The following PCDH15 variants were observed in gnomAD, a reference collection of about 807,000 sequenced individuals.
The protein encoded by PCDH15 is protocadherin-15.
In PCDH15, 129 loss-of-function variants were observed where a neutral mutation model predicts 178.5. The ratio of observed to expected loss-of-function variants is 0.72; its 90% CI spans 0.63 to 0.84. The LOEUF is 0.84. Ranked by LOEUF, PCDH15 falls within the 40% of genes least tolerant of loss-of-function variation. The probability of loss-of-function intolerance (pLI) is 0.00; values close to 1 mark genes in which losing one functional copy is unlikely to be tolerated. For missense variants in PCDH15, 2,230 were observed against 2,099.9 expected (o/e 1.06, Z -1.21); for synonymous variants, 800 against 732.0 (o/e 1.09, Z -1.50).
At chr10:54,673,284 T>C (rs913210437) in intron 1 of PCDH15, among the ~76,000 whole-genome samples, 16 of 152,116 alleles carry the variant, frequency 1.1e-4, no homozygotes, top group African/African-American at 3.9e-4. Context: ...CCATGTGTTT[T>C]CATTGTTCAG....
chr10:55,005,979 G>A (rs945963509), intron 2 of PCDH15, among the ~76,000 whole-genome samples: 27 of 151,404 alleles, frequency 1.8e-4, no homozygotes, highest in African/African-American at 6.3e-4. Context: ...AAATATTTAT[G>A]TATATTTATA....
intron 1 of PCDH15, among the ~76,000 whole-genome samples, chr10:55,271,000 T>G (rs1842430451): frequency 6.6e-6 from 1 of 152,074 alleles, no homozygotes; most frequent in African/African-American, 2.4e-5. Context: ...TATGGATGGC[T>G]CTGGAGGCCA....
At chr10:55,178,040 G>T (rs912350771) in intron 1 of PCDH15, among the ~76,000 whole-genome samples, 2 of 152,138 alleles carry the variant, frequency 1.3e-5, no homozygotes, top group African/African-American at 4.8e-5. Flanking sequence ...CAATTATACT[G>T]ATTCTAAGTA....
chr10:54,955,219 G>A (rs868020799), intron 2 of PCDH15, among the ~76,000 whole-genome samples: 28 of 150,990 alleles, frequency 1.9e-4, no homozygotes, highest in Non-Finnish European at 2.7e-4. Context: ...AAAACATACA[G>A]GTACAATTAA....
At chr10:54,933,740 T>A (rs1837838642) in intron 2 of PCDH15, among the ~76,000 whole-genome samples, 1 of 152,178 alleles carries the variant, frequency 6.6e-6, no homozygotes. Flanking sequence ...TTAGATATTT[T>A]AATTATGGAT....
At chr10:54,414,372 C>T (rs1206743292) in intron 3 of PCDH15, among the ~76,000 whole-genome samples, 5 of 152,038 alleles carry the variant, frequency 3.3e-5, no homozygotes, top group African/African-American at 1.2e-4. Context: ...GGCATGTTTA[C>T]ATGACGGAAT....
chr10:55,053,754 AC>A (rs1235844822), intron 2 of PCDH15, among the ~76,000 whole-genome samples: 1 of 152,218 alleles, frequency 6.6e-6, no homozygotes, highest in Admixed American at 6.5e-5. Context: ...ATGACAGCTA[AC>A]TAAGAAAACA....
rs535883423 is a variant in PCDH15 at position 55,070,615 on chromosome 10, T to G, written c.-80+95961A>C. Among the ~76,000 whole-genome samples, 209 of 152,288 alleles carry G rather than the reference T, an allele frequency of 1.4e-3. 1 individual carries two copies. The highest frequency in any genetic ancestry group is 4.9e-3 in the African/African-American group (202 of 41,556). On this transcript the variant is annotated intron_variant, in intron 2 of 5. Transcript: ENST00000458638. ...GATACGTGGCGTTATTTCTGAGGGC[T>G]CTGTTCTGTTCCATTGATCTATATC...
At chr10:54,557,335 A>C (rs2087429143) in intron 2 of PCDH15, among the ~76,000 whole-genome samples, 1 of 152,138 alleles carries the variant, frequency 6.6e-6, no homozygotes, top group Non-Finnish European at 1.5e-5. Flanking sequence ...AATTATACCA[A>C]AAAATTGTTA....
At chr10:54,158,890 G>A (rs185139339) in intron 13 of PCDH15, among the ~76,000 whole-genome samples, 199 of 152,150 alleles carry the variant, frequency 1.3e-3, no homozygotes, top group South Asian at 3.3e-3. Flanking sequence ...GGCAGATCAC[G>A]AGGTCAGGAG....
intron 26 of PCDH15, among the ~76,000 whole-genome samples, chr10:53,888,675 ATATATATATATATATATATATATATAT>A (rs1214117630): frequency 1.3e-4 from 4 of 31,408 alleles, no homozygotes; most frequent in East Asian, 0.17. Flanking sequence ...ATATATATAT[ATATATATATATATATATATATATATAT>A]ATCTCCTGTG....
intron 2 of PCDH15, among the ~76,000 whole-genome samples, chr10:54,545,516 T>A (rs1425031406): frequency 6.6e-6 from 1 of 151,944 alleles, no homozygotes; most frequent in African/African-American, 2.4e-5. Flanking sequence ...AATTTTGGTG[T>A]AGCTATAAGT....
chr10:53,902,449 T>C (rs1319755198), intron 26 of PCDH15, among the ~76,000 whole-genome samples: 1 of 152,126 alleles, frequency 6.6e-6, no homozygotes, highest in Non-Finnish European at 1.5e-5. Flanking sequence ...TTATGTGCAA[T>C]TTACAGCTAT....
chr10:54,133,876 CATAT>C (rs757673947), intron 14 of PCDH15, among the ~76,000 whole-genome samples: 5 of 133,506 alleles, frequency 3.7e-5, no homozygotes, highest in African/African-American at 8.0e-5. Flanking sequence ...CACACACACA[CATAT>C]ATACACATAT....
At position 55,112,455 on chromosome 10, in the gene PCDH15, T is replaced by C. The variant is rs139913612; in HGVS notation, c.-80+54121A>G. 1.8e-3 allele frequency among the ~76,000 whole-genome samples: 276 copies of C among 151,830 alleles called. 3 individuals are homozygous for C. The highest frequency in any genetic ancestry group is 8.2e-3 in the Admixed American group (125 of 15,266). ...TGAGGCAGGAAGAAAGCAAAAGGAA[T>C]TAAAAGTTGAATACAGGGCAGAATG... On this transcript the variant is annotated intron_variant, in intron 2 of 5. Coordinates refer to the PCDH15 transcript ENST00000458638.
At chr10:54,473,249 T>C (rs1393078548) in intron 3 of PCDH15, among the ~76,000 whole-genome samples, 2 of 152,114 alleles carry the variant, frequency 1.3e-5, no homozygotes, top group Admixed American at 1.3e-4. Flanking sequence ...TCTAAGAAAG[T>C]AAAACATAAG....
intron 3 of PCDH15, chr10:54,897,300 G>A (rs940981952): frequency 1.7e-4 from 26 of 152,112 alleles, no homozygotes; most frequent in Admixed American, 8.5e-4. Flanking sequence ...CAATCACAAC[G>A]TAATTGCAAC....
chr10:53,924,081 G>A (rs1052679553), intron 25 of PCDH15, among the ~76,000 whole-genome samples: 18 of 152,192 alleles, frequency 1.2e-4, no homozygotes, highest in Admixed American at 4.6e-4. Context: ...CACTCTGGCC[G>A]CGCTTGAGGA....
At chr10:54,783,309 C>G (rs1950546927) in intron 1 of PCDH15, among the ~76,000 whole-genome samples, 1 of 151,950 alleles carries the variant, frequency 6.6e-6, no homozygotes, top group Admixed American at 6.6e-5. Context: ...AACTCTGGAA[C>G]TGGAAAATTC....
Sources: allele counts gnomAD v4.1 joint callset (sites outside exome capture counted in the v4.1 genomes callset), GRCh38; gene constraint gnomAD v4.1.1; transcripts MANE v1.5; gene names NCBI Gene and HGNC (gene_info 2026-07-23, HGNC 2026-07-21).